The following GMDS variants were observed in gnomAD, a reference collection of about 807,000 sequenced individuals.
The protein encoded by GMDS is GDP-mannose 4,6 dehydratase.
A neutral mutation model predicts 49.9 loss-of-function variants in GMDS; 20 were observed. The ratio of observed to expected loss-of-function variants is 0.40; its 90% confidence interval spans 0.28 to 0.58. The LOEUF is 0.58. Among genes scored for constraint, GMDS ranks in the 20% least tolerant of loss-of-function variants. GMDS has a pLI of 0.42. For synonymous variants in GMDS, 177 were observed against 178.6 expected (o/e 0.99, Z 0.07); for missense variants, 362 against 481.4 (o/e 0.75, Z 2.32).
chr6:2,171,216 TAATAA>T (rs1305029527), intron 1 of GMDS, among the ~76,000 whole-genome samples: 1 of 152,144 alleles, frequency 6.6e-6, no homozygotes, highest in Non-Finnish European at 1.5e-5. Context: ...CTGAGGAGCT[TAATAA>T]AATGGAGTGA....
At chr6:1,754,925 C>T (rs1319227777) in intron 7 of GMDS, among the ~76,000 whole-genome samples, 2 of 152,184 alleles carry the variant, frequency 1.3e-5, no homozygotes, top group Admixed American at 1.3e-4. Context: ...AAACCCACAG[C>T]CAATATCATA....
intron 1 of GMDS, among the ~76,000 whole-genome samples, chr6:2,152,300 A>C (rs951656030): frequency 6.6e-6 from 1 of 152,206 alleles, no homozygotes; most frequent in Non-Finnish European, 1.5e-5. Context: ...AAAAACGTAG[A>C]ATTTGTTACT....
chr6:1,810,543 A>C (rs1202161206), intron 7 of GMDS, among the ~76,000 whole-genome samples: 4 of 152,046 alleles, frequency 2.6e-5, no homozygotes, highest in Non-Finnish European at 5.9e-5. Context: ...TCGGCCTCCC[A>C]GAGTGCTAGG....
chr6:1,799,169 G>A (rs140798041), intron 7 of GMDS, among the ~76,000 whole-genome samples: 616 of 152,288 alleles, frequency 4.0e-3, no homozygotes, highest in African/African-American at 0.014. Flanking sequence ...AGAACTGGCC[G>A]TGACGAGGGT....
chr6:1,725,507 C>T (rs1413855595), intron 9 of GMDS, among the ~76,000 whole-genome samples: 1 of 151,990 alleles, frequency 6.6e-6, no homozygotes, highest in Non-Finnish European at 1.5e-5. Flanking sequence ...GATCTCGGCT[C>T]ACTGCAACCT....
rs369951270 is a variant in GMDS at position 2,165,054 on chromosome 6, C to T, written c.103-40323G>A. ...CATGCCATGGCCTATCAGTGCTCTC[C>T]TTACTACTGGAAAGAGTTATCAGCA... On this transcript the variant is annotated intron_variant, in intron 1 of 10. Transcript: ENST00000380815. Among the ~76,000 whole-genome samples, 6 of 152,314 alleles carry T rather than the reference C, an allele frequency of 3.9e-5. No individual in the cohort carries two copies. The South Asian group carries it at 6.2e-4, about 16-fold the overall frequency.
At chr6:2,142,418 T>TA (rs890601659) in intron 1 of GMDS, among the ~76,000 whole-genome samples, 12 of 150,842 alleles carry the variant, frequency 8.0e-5, no homozygotes, top group African/African-American at 1.7e-4. Context: ...TGTCCTTATT[T>TA]AAAAAAAAAG....
chr6:1,854,971 G>A (rs927645313), intron 7 of GMDS, among the ~76,000 whole-genome samples: 1 of 152,164 alleles, frequency 6.6e-6, no homozygotes, highest in Non-Finnish European at 1.5e-5. Context: ...GAGAAGAAAA[G>A]TCTGTGGGTC....
chr6:1,890,444 G>T (rs1392359901), intron 7 of GMDS, among the ~76,000 whole-genome samples: 1 of 152,110 alleles, frequency 6.6e-6, no homozygotes, highest in Non-Finnish European at 1.5e-5. Flanking sequence ...TTCTTGAGTT[G>T]TAAGAGTTCT....
At position 1,836,459 on chromosome 6, in the gene GMDS, T is replaced by A. The variant is rs1756935462; in HGVS notation, c.771+93644A>T. Among the ~76,000 whole-genome samples, 1 of 152,230 alleles carries A rather than the reference T, an allele frequency of 6.6e-6. No homozygotes were observed. ...TAATTTGTTTATGGTTGGATGTCTA[T>A]CATAGTATTTTCTATTATGTTGCTA... On this transcript the variant is annotated intron_variant, in intron 7 of 10. Transcript: ENST00000380815. This position sits in a 1 kb window ranked among gnomAD's most constrained non-coding sequence, Gnocchi z 4.2.
At chr6:2,243,415 C>T (rs1022731474) in intron 1 of GMDS, among the ~76,000 whole-genome samples, 2 of 152,184 alleles carry the variant, frequency 1.3e-5, no homozygotes, top group African/African-American at 4.8e-5. Flanking sequence ...ACCAACACAG[C>T]ACATTAGTTA....
chr6:2,240,545 A>C (rs11967121), intron 1 of GMDS, among the ~76,000 whole-genome samples: 5,610 of 151,018 alleles, frequency 0.037, 366 homozygotes, highest in African/African-American at 0.13. Context: ...TAGAGGTTGC[A>C]GTAAACCGAG....
chr6:1,932,042 A>G (rs554859357), intron 6 of GMDS, among the ~76,000 whole-genome samples: 2 of 152,308 alleles, frequency 1.3e-5, no homozygotes, highest in South Asian at 2.1e-4. Flanking sequence ...GGGTTGTAGC[A>G]TGGCTGCCAG....
intron 9 of GMDS, among the ~76,000 whole-genome samples, chr6:1,691,565 C>T (rs576786723): frequency 8.5e-5 from 13 of 152,176 alleles, no homozygotes; most frequent in African/African-American, 3.1e-4. Flanking sequence ...TTACCTATAC[C>T]AGTCTTGGTT....
chr6:1,657,465 G>T (rs1170911049), intron 9 of GMDS, among the ~76,000 whole-genome samples: 1 of 152,246 alleles, frequency 6.6e-6, no homozygotes, highest in Non-Finnish European at 1.5e-5. Context: ...GATAGCCGCT[G>T]TATGGTAACT....
In GMDS at chr6:1,795,430, C is replaced by T. The variant is rs191994979; in HGVS notation, c.772-52844G>A. On this transcript the variant is annotated intron_variant, in intron 7 of 10. Transcript: ENST00000380815. ...TTCCTTCTGAATATTCATCCCTTTT[C>T]CCATATATCTGTATATATACATACA... Among the ~76,000 whole-genome samples, 335 of 152,216 alleles carry T rather than the reference C, an allele frequency of 2.2e-3. 2 individuals are homozygous for T. The highest frequency in any genetic ancestry group is 7.9e-3 in the African/African-American group (327 of 41,530).
chr6:2,182,511 G>A (rs1019138526), intron 1 of GMDS, among the ~76,000 whole-genome samples: 2 of 152,322 alleles, frequency 1.3e-5, no homozygotes, highest in Non-Finnish European at 2.9e-5. Context: ...TGACTCTCTT[G>A]TTTGGGACTA....
intron 7 of GMDS, among the ~76,000 whole-genome samples, chr6:1,874,780 T>A (rs549664288): frequency 1.3e-5 from 2 of 152,274 alleles, no homozygotes; most frequent in Non-Finnish European, 2.9e-5. Context: ...GCACTAGCAA[T>A]GGATGTGAAA....
At chr6:1,742,407 A>G (rs1767309204) in intron 8 of GMDS, 61 bp downstream of exon 8, 1 of 908,924 alleles carries the variant, frequency 1.1e-6, no homozygotes, top group African/African-American at 1.6e-5. Flanking sequence ...CCGAGGCTTC[A>G]GCAAGCTCAG....
Sources: allele counts gnomAD v4.1 joint callset (sites outside exome capture counted in the v4.1 genomes callset), GRCh38; gene constraint gnomAD v4.1.1; non-coding constraint Gnocchi (gnomAD v3.1); transcripts MANE v1.5; gene names NCBI Gene and HGNC (gene_info 2026-07-23, HGNC 2026-07-21).